The following BPGM variants were observed in gnomAD, a reference collection of about 807,000 sequenced individuals.
The protein encoded by BPGM is 2,3-bisphosphoglycerate mutase, erythrocyte.
Under a neutral mutation model 21.6 loss-of-function variants are expected in BPGM, and 15 were observed. The observed-to-expected ratio is 0.70, with a 90% confidence interval of 0.47 to 1.07. The LOEUF (loss-of-function observed/expected upper bound fraction) is 1.07, where lower values mean the gene tolerates loss of function less well. Among genes scored for constraint, BPGM ranks in the 50% least tolerant of loss-of-function variants. The pLI is 0.00. For missense variants in BPGM, 273 were observed against 319.0 expected, an observed-to-expected ratio of 0.86 and a Z score of 1.10; for synonymous variants, 113 against 116.2, an observed-to-expected ratio of 0.97 and a Z score of 0.18.
Position 134,661,423 on chromosome 7 carries a change from G to T in BPGM, c.-61-24G>T. 1 of 1,580,888 alleles carries T rather than the reference G, an allele frequency of 6.3e-7. No individual in the cohort carries two copies. Among genetic ancestry groups the T allele is most frequent in the South Asian group, 1.1e-5 (1 of 89,078 alleles). ...TAGATTGTCAGTTGAATATAACTTAGACTTGTTGTTCTTGTCTTTCTAGAT... is the reference window on the plus strand; with the variant it reads ...TAGATTGTCAGTTGAATATAACTTATACTTGTTGTTCTTGTCTTTCTAGAT... On this transcript the variant is annotated intron_variant, in intron 1 of 2. Coordinates refer to ENST00000344924, the MANE Select transcript of BPGM (RefSeq NM_001724.5). The surrounding 1 kb of genome is among the most constrained non-coding windows in gnomAD (Gnocchi z 4.6).
intron 1 of BPGM, chr7:134,647,319 C>T (rs1795476840): frequency 6.6e-6 from 1 of 152,152 alleles, no homozygotes; most frequent in African/African-American, 2.4e-5. Context: ...AGGGCGATGC[C>T]GCTGTATTTA....
rs1795848426 is a variant in BPGM at position 134,668,200 on chromosome 7, G to T, written c.601+6092G>T. On this transcript the variant is annotated intron_variant, in intron 2 of 2. Coordinates refer to ENST00000344924, the MANE Select transcript of BPGM (RefSeq NM_001724.5). ...GTGGAAAAGAAGACAGGTGCTGTTGGAGGAAACTGAAATCTAAAGAGACTC... is the reference window on the plus strand; with the variant it reads ...GTGGAAAAGAAGACAGGTGCTGTTGTAGGAAACTGAAATCTAAAGAGACTC... 2.6e-5 allele frequency among the ~76,000 whole-genome samples: 4 copies of T among 152,280 alleles called. No homozygotes were observed. In the South Asian group the frequency reaches 8.3e-4, roughly 32 times the overall value.
intron 1 of BPGM, among the ~76,000 whole-genome samples, chr7:134,648,769 T>C (rs1795510284): frequency 6.6e-6 from 1 of 152,184 alleles, no homozygotes; most frequent in Non-Finnish European, 1.5e-5. Flanking sequence ...AACCTCCACC[T>C]CTGCCTCCTG....
chr7:134,667,520 A>T (rs994242198), intron 2 of BPGM, among the ~76,000 whole-genome samples: 1 of 152,120 alleles, frequency 6.6e-6, no homozygotes, highest in Non-Finnish European at 1.5e-5. Flanking sequence ...AGCCTGGACA[A>T]CATAGTGAGA....
chr7:134,655,118 C>G (rs1476788422), intron 1 of BPGM, among the ~76,000 whole-genome samples: 1 of 151,856 alleles, frequency 6.6e-6, no homozygotes, highest in African/African-American at 2.4e-5. Flanking sequence ...AAATGAGAAA[C>G]CAGGTACAGG....
chr7:134,665,649 G>A (rs865947834), intron 2 of BPGM, among the ~76,000 whole-genome samples: 7 of 78,244 alleles, frequency 8.9e-5, no homozygotes, highest in Non-Finnish European at 1.5e-4. Context: ...AAAAATTAAT[G>A]AAAAAAAAAA....
intron 2 of BPGM, among the ~76,000 whole-genome samples, chr7:134,667,331 G>T (rs1357165134): frequency 6.6e-6 from 1 of 152,150 alleles, no homozygotes; most frequent in African/African-American, 2.4e-5. Flanking sequence ...AATGCCTGTT[G>T]TCCGAATGTA....
intron 2 of BPGM, among the ~76,000 whole-genome samples, chr7:134,672,640 C>T (rs934602018): frequency 1.3e-5 from 2 of 152,062 alleles, no homozygotes; most frequent in African/African-American, 4.8e-5. Flanking sequence ...CATAGGTTCA[C>T]TTATACATGG....
intron 1 of BPGM, among the ~76,000 whole-genome samples, chr7:134,657,232 C>T (rs1795652991): frequency 6.6e-6 from 1 of 152,090 alleles, no homozygotes. Context: ...TAGAGCTTAA[C>T]CTAAAGCAGG....
Position 134,676,184 on chromosome 7 carries a change from C to T in BPGM, c.602-2669C>T, listed in dbSNP as rs532078528. 3.3e-4 allele frequency among the ~76,000 whole-genome samples: 50 copies of T among 152,118 alleles called. 2 individuals carry two copies. In the Middle Eastern group the frequency reaches 0.021, roughly 63 times the overall value. On this transcript the variant is annotated intron_variant, in intron 2 of 2. Coordinates refer to ENST00000344924, the MANE Select transcript of BPGM (RefSeq NM_001724.5). Reference sequence around the variant, plus strand: ...TTATTTCATTGTCTTGCCTAGTTGCCCTAGCTAGGATCTTAAATACAATGT... The same window carrying T: ...TTATTTCATTGTCTTGCCTAGTTGCTCTAGCTAGGATCTTAAATACAATGT...
At chr7:134,664,468 G>A (rs73441904) in intron 2 of BPGM, among the ~76,000 whole-genome samples, 7,209 of 152,182 alleles carry the variant, frequency 0.047, 308 homozygotes, top group African/African-American at 0.12. Flanking sequence ...ATATTAGCCT[G>A]CCGCCTCCCA....
chr7:134,646,894 A>AGCGGCTGCTGCTGCT lies in BPGM; in HGVS notation c.-102_-88dup. 5.4e-6 allele frequency: 1 copy of AGCGGCTGCTGCTGCT among 186,298 alleles called. No individual in the cohort carries two copies. Among genetic ancestry groups the AGCGGCTGCTGCTGCT allele is most frequent in the Non-Finnish European group, 1.1e-5 (1 of 87,592 alleles). The allele number at this position is 186,298 out of a possible 1,614,324, so 11.5% of individuals were successfully genotyped here. On this transcript the variant is annotated 5_prime_UTR_variant, in exon 1 of 3. Transcript: ENST00000344924. The stretch of plus-strand genomic sequence containing the variant: ...CGCTGGCTCTTTGGCGGCTCGGAGG[A>AGCGGCTGCTGCTGCT]GCGGCTGCTGCTGCTGCTGCTGCTG...
intron 1 of BPGM, among the ~76,000 whole-genome samples, chr7:134,647,836 C>T (rs892697492): frequency 1.3e-5 from 2 of 152,190 alleles, no homozygotes; most frequent in African/African-American, 4.8e-5. Flanking sequence ...CTCTGTCGCC[C>T]AGGCTGGAGC....
rs1398008781 is a variant in BPGM at position 134,646,874 on chromosome 7, G to C, written c.-125G>C. ...CAGTGATGAGTCCTAGGAGGCGCTG[G>C]CTCTTTGGCGGCTCGGAGGAGCGGC... On this transcript the variant is annotated 5_prime_UTR_variant, in exon 1 of 3. Coordinates refer to ENST00000344924, the MANE Select transcript of BPGM (RefSeq NM_001724.5). 3 of 185,982 alleles carry C rather than the reference G, an allele frequency of 1.6e-5. No homozygotes were observed. Among genetic ancestry groups the C allele is most frequent in the Non-Finnish European group, 1.2e-5 (1 of 86,248 alleles). The allele number at this position is 185,982 out of a possible 1,614,324, so 11.5% of individuals were successfully genotyped here.
At chr7:134,657,775 T>C (rs1364440) in intron 1 of BPGM, among the ~76,000 whole-genome samples, 72,874 of 151,936 alleles carry the variant, frequency 0.48, 17,686 homozygotes, top group East Asian at 0.69. Flanking sequence ...GCAAATGGTT[T>C]GGTGAGGGAG....
At chr7:134,672,436 G>A (rs73166651) in intron 2 of BPGM, among the ~76,000 whole-genome samples, 99,366 of 151,312 alleles carry the variant, frequency 0.66, 33,130 homozygotes, top group East Asian at 0.87. Flanking sequence ...AGAATTTAGT[G>A]AATGTTTGTT....
Position 134,673,060 on chromosome 7 carries a change from A to G in BPGM, c.602-5793A>G, listed in dbSNP as rs369737055. ...GTGGTGGCGGGCACCTGTAGTCCCA[A>G]CTACTCTGGAGGCTGAGGCAGGAGA... On this transcript the variant is annotated intron_variant, in intron 2 of 2. Transcript: ENST00000344924. 1.4e-3 allele frequency among the ~76,000 whole-genome samples: 216 copies of G among 152,166 alleles called. 5 individuals are homozygous for G. In the South Asian group the frequency reaches 0.042, roughly 30 times the overall value.
chr7:134,658,567 G>C (rs1795677806), intron 1 of BPGM: 1 of 152,180 alleles, frequency 6.6e-6, no homozygotes, highest in Non-Finnish European at 1.5e-5. Flanking sequence ...AATCACACTG[G>C]CTACAGCGTT....
intron 1 of BPGM, among the ~76,000 whole-genome samples, chr7:134,654,749 T>C (rs1002159168): frequency 1.3e-5 from 2 of 152,094 alleles, no homozygotes; most frequent in Admixed American, 1.3e-4. Context: ...TTGATGGAAG[T>C]AGTCTGTTTT....
Sources: allele counts gnomAD v4.1 joint callset (sites outside exome capture counted in the v4.1 genomes callset), GRCh38; gene constraint gnomAD v4.1.1; non-coding constraint Gnocchi (gnomAD v3.1); transcripts MANE v1.5; gene names NCBI Gene and HGNC (gene_info 2026-07-23, HGNC 2026-07-21).